The following TOX3 variants were observed in gnomAD, a reference collection of about 807,000 sequenced individuals.
TOX3 encodes TOX high mobility group box family member 3, also known as CAG trinucleotide repeat-containing gene F9 protein.
A neutral mutation model predicts 64.3 loss-of-function variants in TOX3; 22 were observed. The observed-to-expected ratio is 0.34, with a 90% CI of 0.24 to 0.49. The LOEUF (loss-of-function observed/expected upper bound fraction) is 0.49, where lower values mean the gene tolerates loss of function less well. Among genes scored for constraint, TOX3 ranks in the 20% least tolerant of loss-of-function variants. The pLI, the probability that TOX3 is intolerant of heterozygous loss-of-function variation, is 0.99. For missense variants in TOX3, 661 were observed against 714.4 expected (o/e 0.93, Z 0.85); for synonymous variants, 291 against 273.6 (o/e 1.06, Z -0.63).
chr16:52,450,183 A>G, intron 4 of TOX3, 94 bp downstream of exon 4: 1 of 1,456,516 alleles, frequency 6.9e-7, no homozygotes, highest in African/African-American at 1.4e-5. Flanking sequence ...AAATCCATGA[A>G]GACAAACAAG....
chr16:52,480,375 C>T (rs1365432720), intron 1 of TOX3, among the ~76,000 whole-genome samples: 1 of 152,184 alleles, frequency 6.6e-6, no homozygotes, highest in Non-Finnish European at 1.5e-5. Flanking sequence ...TACTGCCAGA[C>T]TTCGTAGTTC....
At chr16:52,518,839 A>C (rs764109326) in intron 1 of TOX3, among the ~76,000 whole-genome samples, 1 of 152,206 alleles carries the variant, frequency 6.6e-6, no homozygotes, top group East Asian at 1.9e-4. Flanking sequence ...CTGCTTTCCC[A>C]TTCTCTTCTG....
At chr16:52,515,122 T>C (rs1046504154) in intron 1 of TOX3, among the ~76,000 whole-genome samples, 1 of 150,366 alleles carries the variant, frequency 6.7e-6, no homozygotes, top group African/African-American at 2.5e-5. Context: ...ACTCAATATG[T>C]AATTTAATTT....
intron 1 of TOX3, among the ~76,000 whole-genome samples, chr16:52,519,020 T>C (rs1596852859): frequency 6.6e-6 from 1 of 152,156 alleles, no homozygotes; most frequent in African/African-American, 2.4e-5. Flanking sequence ...GGTAGCAAAA[T>C]GTCAGGTATC....
intron 2 of TOX3, among the ~76,000 whole-genome samples, chr16:52,466,148 T>A (rs1454827475): frequency 6.6e-6 from 1 of 152,176 alleles, no homozygotes; most frequent in Non-Finnish European, 1.5e-5. Flanking sequence ...ATCTAACATA[T>A]CACATTAACA....
rs769039398 is a variant in TOX3 at position 52,439,723 on chromosome 16, A to C, written c.1233T>G (p.Ile411Met). 1 of 1,613,814 alleles carries C rather than the reference A, an allele frequency of 6.2e-7. No homozygotes were observed. The highest frequency in any genetic ancestry group is 8.5e-7 in the Non-Finnish European group (1 of 1,179,894). Reference protein sequence around the residue: ...VTIAANMPSNIGAPLISSMGT... With the variant: ...VTIAANMPSNMGAPLISSMGT... ...CCATGGAGCTTATCAGTGGAGCCCCAATGTTCGAGGGCATGTTGGCTGCAA... is the reference window on the plus strand; with the variant it reads ...CCATGGAGCTTATCAGTGGAGCCCCCATGTTCGAGGGCATGTTGGCTGCAA... Residue 411 changes from isoleucine (I) to methionine (M), a missense_variant, in exon 7 of 7, where the codon ATT becomes ATG. By Grantham distance (10) the Ile-to-Met change is conservative (BLOSUM62 1). This residue lies in a region of TOX3 where 299 missense variants were observed against 292.1 expected (regional missense o/e 1.02). Coordinates refer to ENST00000219746, the MANE Select transcript of TOX3 (RefSeq NM_001080430.4).
chr16:52,514,685 G>C (rs1024006152), intron 1 of TOX3, among the ~76,000 whole-genome samples: 8 of 152,070 alleles, frequency 5.3e-5, no homozygotes, highest in Admixed American at 1.3e-4. Flanking sequence ...CAGAGCCCCA[G>C]AAGAAGAAAA....
At chr16:52,460,647 A>AT (rs1161409993) in intron 3 of TOX3, among the ~76,000 whole-genome samples, 2 of 152,112 alleles carry the variant, frequency 1.3e-5, no homozygotes, top group Admixed American at 1.3e-4. Flanking sequence ...CTGTCCTGTC[A>AT]TTTTAAATCT....
chr16:52,547,273 C>G (rs1384619427), upstream of TOX3: 1 of 144,266 alleles, frequency 6.9e-6, no homozygotes, highest in African/African-American at 2.5e-5. Flanking sequence ...GTGCGCTCCT[C>G]GGCCCGGACC....
At chr16:52,534,790 T>A (rs1399282727) in intron 1 of TOX3, among the ~76,000 whole-genome samples, 1 of 152,160 alleles carries the variant, frequency 6.6e-6, no homozygotes, top group Non-Finnish European at 1.5e-5. Flanking sequence ...GTTTTTAAAA[T>A]GTCAACTAAA....
At chr16:52,464,598 T>A (rs931099072) in intron 2 of TOX3, among the ~76,000 whole-genome samples, 4 of 152,200 alleles carry the variant, frequency 2.6e-5, no homozygotes, top group African/African-American at 9.6e-5. Flanking sequence ...CACATATTAA[T>A]CCAGAAGTGA....
At chr16:52,521,669 T>C (rs940110792) in intron 1 of TOX3, among the ~76,000 whole-genome samples, 6 of 152,210 alleles carry the variant, frequency 3.9e-5, no homozygotes, top group African/African-American at 1.4e-4. Context: ...CCGATGATCC[T>C]GGGTCCCTTC....
chr16:52,532,822 T>C lies in TOX3; in HGVS notation c.87+13815A>G, dbSNP rs45469591. Reference sequence around the variant, plus strand: ...CAATCAGAAACATTCAAGTATATAATATCAGGGAACCAGGAACATGGGGGC... The same window carrying C: ...CAATCAGAAACATTCAAGTATATAACATCAGGGAACCAGGAACATGGGGGC... On this transcript the variant is annotated intron_variant, in intron 1 of 6. Transcript: ENST00000219746. Among the ~76,000 whole-genome samples the C allele has an allele frequency of 2.5e-3, 379 of 151,960 alleles. 1 individual carries two copies. The highest frequency in any genetic ancestry group is 3.9e-3 in the Non-Finnish European group (263 of 67,998).
intron 1 of TOX3, among the ~76,000 whole-genome samples, chr16:52,513,121 G>C (rs1368585457): frequency 6.6e-6 from 1 of 152,074 alleles, no homozygotes; most frequent in Non-Finnish European, 1.5e-5. Flanking sequence ...AAGAAGTCCA[G>C]GCACCAACAC....
At chr16:52,461,470 C>T (rs1157709296) in intron 3 of TOX3, among the ~76,000 whole-genome samples, 2 of 151,976 alleles carry the variant, frequency 1.3e-5, no homozygotes, top group African/African-American at 4.8e-5. Context: ...ATAAATTTAA[C>T]GAAGATAAAC....
intron 1 of TOX3, among the ~76,000 whole-genome samples, chr16:52,539,139 AT>A (rs1963023073): frequency 6.6e-6 from 1 of 152,236 alleles, no homozygotes; most frequent in South Asian, 2.1e-4. Context: ...TTCCAAAAAA[AT>A]AAATGTTTTC....
intron 1 of TOX3, among the ~76,000 whole-genome samples, chr16:52,503,409 G>A (rs569516842): frequency 2.0e-5 from 3 of 152,198 alleles, no homozygotes; most frequent in Non-Finnish European, 4.4e-5. Context: ...ACTTAGCATA[G>A]TTATGGATAA....
chr16:52,498,838 C>G (rs918205250), intron 1 of TOX3, among the ~76,000 whole-genome samples: 1 of 152,158 alleles, frequency 6.6e-6, no homozygotes. Flanking sequence ...GCACACCCTG[C>G]GCCATCGAAA....
At chr16:52,513,753 A>G (rs1031297935) in intron 1 of TOX3, among the ~76,000 whole-genome samples, 9 of 152,238 alleles carry the variant, frequency 5.9e-5, no homozygotes, top group Non-Finnish European at 8.8e-5. Context: ...GGGGATGTTC[A>G]CTGCTTATTT....
Sources: gnomAD v4.1 joint callset for allele counts (sites outside exome capture counted in the v4.1 genomes callset) on GRCh38, gnomAD v4.1.1 for gene constraint, gnomAD v4.1.1 regional missense constraint, MANE v1.5 for transcripts, NCBI Gene and HGNC (gene_info 2026-07-23, HGNC 2026-07-21) for gene names.